Variants in MED28 observed in about 807,000 individuals in gnomAD.
The protein encoded by MED28 is mediator of RNA polymerase II transcription subunit 28.
MED28 carries 26 observed loss-of-function variants against 21.3 expected under a neutral mutation model. That is an observed-to-expected ratio of 1.22 (90% CI 0.89 to 1.69). MED28 has a LOEUF of 1.69. MED28 is among the 40% of genes most tolerant of loss of function. The probability of loss-of-function intolerance (pLI) is 0.00; values close to 1 mark genes in which losing one functional copy is unlikely to be tolerated. For synonymous variants in MED28, 110 were observed against 87.6 expected (o/e 1.26, Z -1.43); for missense variants, 257 against 215.4 (o/e 1.19, Z -1.21).
chr4:17,620,999 C>T (rs1008258628), intron 2 of MED28, among the ~76,000 whole-genome samples: 7 of 148,302 alleles, frequency 4.7e-5, no homozygotes, highest in Admixed American at 6.8e-5. Flanking sequence ...TGAGCCACCA[C>T]GCTTGGCCTC....
intron 3 of MED28, 97 bp from the exon 4 acceptor site, chr4:17,623,504 A>G (rs1236540896): frequency 8.5e-6 from 10 of 1,176,078 alleles, no homozygotes; most frequent in Non-Finnish European, 1.2e-5. Flanking sequence ...GGTTTAATGG[A>G]TTCTCTTTGT....
intron 1 of MED28, 60 bp from the exon 2 acceptor site, chr4:17,619,840 TG>T (rs1714565438): frequency 1.4e-6 from 2 of 1,475,826 alleles, no homozygotes; most frequent in South Asian, 2.3e-5. Context: ...TTTCTTCCTC[TG>T]GAGTAAGATT....
rs57808747 is a variant in MED28, at chr4:17,626,131, G to C, written c.*2333G>C. Reference sequence around the variant, plus strand: ...TCACGCCTGTAATCCCAGCACTTTGGGGGGCTGAGGCAGGAGAATCGCTTG... The same window carrying C: ...TCACGCCTGTAATCCCAGCACTTTGCGGGGCTGAGGCAGGAGAATCGCTTG... On this transcript the variant is annotated 3_prime_UTR_variant, in exon 4 of 4. Coordinates refer to ENST00000237380, the MANE Select transcript of MED28 (RefSeq NM_025205.5). 7.8e-5 allele frequency: 12 copies of C among 154,778 alleles called. No individual in the cohort carries two copies. The East Asian group carries it at 9.5e-4, about 12-fold the overall frequency. 9.6% of individuals were successfully genotyped at this position (154,778 alleles called of 1,614,324 possible). A position where few individuals can be genotyped will look rare whatever the true frequency, so the allele number is the denominator to read the frequency against.
At chr4:17,623,280 G>T (rs889012616) in intron 3 of MED28, among the ~76,000 whole-genome samples, 4 of 151,144 alleles carry the variant, frequency 2.6e-5, no homozygotes, top group African/African-American at 9.7e-5. Context: ...GTGTGCCTGT[G>T]ATCCCAGCTA....
rs1491207120 is a variant in MED28, at chr4:17,626,964, T to TG, written c.*3166_*3167insG. 8 of 14,040 alleles carry TG rather than the reference T, an allele frequency of 5.7e-4. No individual in the cohort carries two copies. Among genetic ancestry groups the TG allele is most frequent in the African/African-American group, 5.5e-3 (8 of 1,446 alleles). The allele number at this position is 14,040 out of a possible 1,614,324, so 0.9% of individuals were successfully genotyped here. A position where few individuals can be genotyped will look rare whatever the true frequency, so the allele number is the denominator to read the frequency against. On this transcript the variant is annotated 3_prime_UTR_variant, in exon 4 of 4. Coordinates refer to ENST00000237380, the MANE Select transcript of MED28 (RefSeq NM_025205.5). ...CTCAGCCTCCCAAGTAGCTGGGCTA[T>TG]TTTTTTTTTTTTTTTTTTGAGATGG...
rs1715024431 is a variant in MED28, at chr4:17,633,444, T to TCGCA, written c.*9647_*9648insGCAC. Reference sequence around the variant, plus strand: ...AGACCTGGAGAGGTCAAGTGACCTGTCCAAGGCCACAGAGCTAAGAATGAG... The same window carrying TCGCA: ...AGACCTGGAGAGGTCAAGTGACCTGTCGCACCAAGGCCACAGAGCTAAGAATGAG... On this transcript the variant is annotated 3_prime_UTR_variant, in exon 4 of 4. Coordinates refer to ENST00000237380, the MANE Select transcript of MED28 (RefSeq NM_025205.5). 2.8e-5 allele frequency: 11 copies of TCGCA among 391,860 alleles called. No individual in the cohort carries two copies. The highest frequency in any genetic ancestry group is 8.5e-5 in the Admixed American group (2 of 23,614). The allele number at this position is 391,860 out of a possible 1,614,324, so 24.3% of individuals were successfully genotyped here.
rs1714954145 is a variant in MED28 at position 17,631,857 on chromosome 4, TG to T, written c.*8061del. On this transcript the variant is annotated 3_prime_UTR_variant, in exon 4 of 4. Coordinates refer to ENST00000237380, the MANE Select transcript of MED28 (RefSeq NM_025205.5). ...ATTTTACATAGAAACAGCTTTCCAG[TG>T]GAGTTGACTAGCATCCTAAGGACAA... 1 of 152,064 alleles carries T rather than the reference TG, an allele frequency of 6.6e-6. No homozygotes were observed. The highest frequency in any genetic ancestry group is 2.4e-5 in the African/African-American group (1 of 41,378). The allele number at this position is 152,064 out of a possible 1,614,324, so 9.4% of individuals were successfully genotyped here. A position where few individuals can be genotyped will look rare whatever the true frequency, so the allele number is the denominator to read the frequency against.
chr4:17,631,488 C>CA lies in MED28; in HGVS notation c.*7691dup, dbSNP rs1279955787. The CA allele has an allele frequency of 1.3e-5, 2 of 152,156 alleles. No individual in the cohort carries two copies. Among genetic ancestry groups the CA allele is most frequent in the Non-Finnish European group, 2.9e-5 (2 of 68,052 alleles). The allele number at this position is 152,156 out of a possible 1,614,324, so 9.4% of individuals were successfully genotyped here. ...CTAGAAGATCTTTGACTTCAAAGAACAGATAATCTAGAGACCTTCACAAGT... is the reference window on the plus strand; with the variant it reads ...CTAGAAGATCTTTGACTTCAAAGAACAAGATAATCTAGAGACCTTCACAAGT... On this transcript the variant is annotated 3_prime_UTR_variant, in exon 4 of 4. Transcript: ENST00000237380.
rs1227382939 is a variant in MED28 at position 17,630,719 on chromosome 4, G to A, written c.*6921G>A. ...GCATTTAAAAATGCATTGGAGCCTC[G>A]TTTTGATTAGGCAGTAAATTTACCT... On this transcript the variant is annotated 3_prime_UTR_variant, in exon 4 of 4. Coordinates refer to ENST00000237380, the MANE Select transcript of MED28 (RefSeq NM_025205.5). The A allele has an allele frequency of 6.6e-6, 1 of 151,852 alleles. No individual in the cohort carries two copies. The highest frequency in any genetic ancestry group is 6.6e-5 in the Admixed American group (1 of 15,258). The allele number at this position is 151,852 out of a possible 1,614,324, so 9.4% of individuals were successfully genotyped here.
chr4:17,633,639 T>C lies in MED28; in HGVS notation c.*9841T>C. 1 of 1,384,420 alleles carries C rather than the reference T, an allele frequency of 7.2e-7. No individual in the cohort carries two copies. The highest frequency in any genetic ancestry group is 9.5e-7 in the Non-Finnish European group (1 of 1,057,176). 85.8% of individuals were successfully genotyped at this position (1,384,420 alleles called of 1,614,324 possible). A position where few individuals can be genotyped will look rare whatever the true frequency, so the allele number is the denominator to read the frequency against. ...CTAGAAAGAATCCTACTTCCCCTCT[T>C]ATCTACAGGGAAATAGAATAAGGGC... On this transcript the variant is annotated 3_prime_UTR_variant, in exon 4 of 4. Transcript: ENST00000237380.
intron 2 of MED28, among the ~76,000 whole-genome samples, chr4:17,620,251 A>T (rs1433428428): frequency 1.3e-5 from 2 of 152,212 alleles, no homozygotes; most frequent in Non-Finnish European, 2.9e-5. Flanking sequence ...TTATTTTTGG[A>T]ATAGGTCTTA....
At position 17,633,681 on chromosome 4, in the gene MED28, C is replaced by G. The variant is rs981365069; in HGVS notation, c.*9883C>G. 4 of 1,519,214 alleles carry G rather than the reference C, an allele frequency of 2.6e-6. No homozygotes were observed. The African/African-American group carries it at 5.6e-5, about 21-fold the overall frequency. 94.1% of individuals were successfully genotyped at this position (1,519,214 alleles called of 1,614,324 possible). Reference sequence around the variant, plus strand: ...AATAAGGGCCCCTGTCCCCAACATCCCCCAAACCTTGTGGCAGTTTTTGCA... The same window carrying G: ...AATAAGGGCCCCTGTCCCCAACATCGCCCAAACCTTGTGGCAGTTTTTGCA... On this transcript the variant is annotated 3_prime_UTR_variant, in exon 4 of 4. Transcript: ENST00000237380.
At chr4:17,617,916 T>A (rs1022431374) in intron 1 of MED28, among the ~76,000 whole-genome samples, 2 of 151,376 alleles carry the variant, frequency 1.3e-5, no homozygotes, top group Non-Finnish European at 2.9e-5. Flanking sequence ...AAAAAAAAAA[T>A]ATATGTTCTC....
rs1467022105 is a variant in MED28 at position 17,625,070 on chromosome 4, C to T, written c.*1272C>T. On this transcript the variant is annotated 3_prime_UTR_variant, in exon 4 of 4. Coordinates refer to ENST00000237380, the MANE Select transcript of MED28 (RefSeq NM_025205.5). ...CCCTTCCCACATGGACTGACATCCA[C>T]TCATGTGCCTGATCCCTGAAGCCTC... 1 of 152,258 alleles carries T rather than the reference C, an allele frequency of 6.6e-6. No homozygotes were observed. Among genetic ancestry groups the T allele is most frequent in the Non-Finnish European group, 1.5e-5 (1 of 68,150 alleles). The allele number at this position is 152,258 out of a possible 1,614,324, so 9.4% of individuals were successfully genotyped here.
chr4:17,619,616 GTGTC>G (rs765769146), intron 1 of MED28, among the ~76,000 whole-genome samples: 6 of 152,168 alleles, frequency 3.9e-5, no homozygotes, highest in Non-Finnish European at 8.8e-5. Flanking sequence ...GGCTGGAAGA[GTGTC>G]TGGGCCTGGT....
At chr4:17,615,108 G>A (rs986838073) in intron 1 of MED28, among the ~76,000 whole-genome samples, 1 of 152,208 alleles carries the variant, frequency 6.6e-6, no homozygotes, top group African/African-American at 2.4e-5. Context: ...CCCGAGCACC[G>A]TTTCTTGCAT....
Position 17,630,282 on chromosome 4 carries a change from C to G in MED28, c.*6484C>G, listed in dbSNP as rs1266334744. The G allele has an allele frequency of 6.6e-6, 1 of 152,140 alleles. No individual in the cohort carries two copies. Among genetic ancestry groups the G allele is most frequent in the Non-Finnish European group, 1.5e-5 (1 of 68,024 alleles). The allele number at this position is 152,140 out of a possible 1,614,324, so 9.4% of individuals were successfully genotyped here. ...ATGTCCTGAATGTTGATGTCCCTTC[C>G]AAAATTCATATGTTGGAACCTAATG... On this transcript the variant is annotated 3_prime_UTR_variant, in exon 4 of 4. Transcript: ENST00000237380.
At chr4:17,615,819 AAAAT>A (rs1228885162) in intron 1 of MED28, among the ~76,000 whole-genome samples, 1 of 152,116 alleles carries the variant, frequency 6.6e-6, no homozygotes, top group Non-Finnish European at 1.5e-5. Context: ...TCAAAAAAGT[AAAAT>A]AAAATATAAA....
chr4:17,621,803 C>T, intron 3 of MED28, 104 bp downstream of exon 3: 3 of 795,556 alleles, frequency 3.8e-6, no homozygotes, highest in Non-Finnish European at 6.3e-6. Context: ...GAGTTTCATT[C>T]AGGCTTTATA....
Sources: gnomAD v4.1 joint callset for allele counts (sites outside exome capture counted in the v4.1 genomes callset) on GRCh38, gnomAD v4.1.1 for gene constraint, MANE v1.5 for transcripts, NCBI Gene and HGNC (gene_info 2026-07-23, HGNC 2026-07-21) for gene names.